The following RABGAP1L variants were observed in gnomAD, a reference collection of about 807,000 sequenced individuals.
RABGAP1L encodes RAB GTPase activating protein 1 like.
RABGAP1L carries 63 observed loss-of-function variants against 137.7 expected under a neutral mutation model. The observed-to-expected ratio is 0.46, with a 90% CI of 0.37 to 0.56. The LOEUF is 0.56. RABGAP1L is among the 20% of genes least tolerant of loss of function. The pLI is 0.00. For missense variants in RABGAP1L, 1,095 were observed against 1,244.0 expected, an observed-to-expected ratio of 0.88 and a Z score of 1.80; for synonymous variants, 431 against 433.7, an observed-to-expected ratio of 0.99 and a Z score of 0.08.
chr1:174,539,016 C>T (rs1190123883), intron 13 of RABGAP1L, among the ~76,000 whole-genome samples: 1 of 151,968 alleles, frequency 6.6e-6, no homozygotes, highest in African/African-American at 2.4e-5. Context: ...AATAAGTTGC[C>T]CGGGGTCACA....
chr1:174,347,716 G>A lies in RABGAP1L; in HGVS notation c.1466-23263G>A, dbSNP rs541630878. On this transcript the variant is annotated intron_variant, in intron 11 of 25. Transcript: ENST00000681986. Reference sequence around the variant, plus strand: ...TCACCGTGTTAGCCAGGATGGTCTCGATCTCCTGACCTCATGATCTGCCCG... The same window carrying A: ...TCACCGTGTTAGCCAGGATGGTCTCAATCTCCTGACCTCATGATCTGCCCG... 2.6e-5 allele frequency among the ~76,000 whole-genome samples: 4 copies of A among 152,206 alleles called. No homozygotes were observed. The South Asian group carries it at 6.2e-4, about 24-fold the overall frequency.
chr1:174,548,055 A>C (rs1359961104), intron 13 of RABGAP1L: 32 of 1,550,286 alleles, frequency 2.1e-5, no homozygotes, highest in Non-Finnish European at 2.0e-5. Flanking sequence ...ATGCCTGTTA[A>C]ATGCGTCAGT....
intron 20 of RABGAP1L, among the ~76,000 whole-genome samples, chr1:174,968,029 C>G (rs752661042): frequency 3.3e-5 from 5 of 151,674 alleles, no homozygotes; most frequent in Non-Finnish European, 5.9e-5. Context: ...GTTTATGGAT[C>G]CTCTGCCTCT....
At chr1:174,797,600 TG>T (rs1301910261) in intron 18 of RABGAP1L, among the ~76,000 whole-genome samples, 72 of 93,704 alleles carry the variant, frequency 7.7e-4, no homozygotes, top group Non-Finnish European at 1.2e-3. Context: ...TGGTGGTGTG[TG>T]GGCGTGTAGT....
At chr1:174,200,968 C>G (rs1206943348) in intron 1 of RABGAP1L, among the ~76,000 whole-genome samples, 1 of 152,170 alleles carries the variant, frequency 6.6e-6, no homozygotes, top group African/African-American at 2.4e-5. Context: ...AGTTTCTTTT[C>G]TTGTCCCTTC....
Position 174,618,404 on chromosome 1 carries a change from A to C in RABGAP1L, c.1711-18971A>C, listed in dbSNP as rs552319134. Among the ~76,000 whole-genome samples the C allele has an allele frequency of 6.6e-5, 10 of 152,338 alleles. No individual in the cohort carries two copies. The East Asian group carries it at 1.7e-3, about 26-fold the overall frequency. ...GGGAGGCACCCTGCAGTAGGGGCAG[A>C]CTGACATCTCACACGGCCGAGTACT... On this transcript the variant is annotated intron_variant, in intron 13 of 25. Transcript: ENST00000681986.
intron 19 of RABGAP1L, among the ~76,000 whole-genome samples, chr1:174,926,693 G>A (rs1490051493): frequency 2.0e-5 from 3 of 151,904 alleles, no homozygotes; most frequent in African/African-American, 7.3e-5. Context: ...ACAATCGTCT[G>A]TAAAAAATGA....
At chr1:174,801,067 T>G (rs1326536090) in intron 18 of RABGAP1L, among the ~76,000 whole-genome samples, 2 of 152,250 alleles carry the variant, frequency 1.3e-5, no homozygotes, top group Non-Finnish European at 2.9e-5. Flanking sequence ...GCTTCTGTGC[T>G]GTGAATCTGG....
At chr1:174,804,872 A>G (rs891455055) in intron 18 of RABGAP1L, among the ~76,000 whole-genome samples, 1 of 152,180 alleles carries the variant, frequency 6.6e-6, no homozygotes, top group Non-Finnish European at 1.5e-5. Context: ...TTTCTTAAAC[A>G]TTAAGTTTAA....
chr1:174,420,679 T>TG (rs2149162744), intron 13 of RABGAP1L, among the ~76,000 whole-genome samples: 1 of 148,464 alleles, frequency 6.7e-6, no homozygotes, highest in African/African-American at 2.5e-5. Flanking sequence ...GGTGTTTTGT[T>TG]TTTTTTTTTT....
chr1:174,173,498 C>T (rs1258342739), intron 1 of RABGAP1L, among the ~76,000 whole-genome samples: 1 of 150,938 alleles, frequency 6.6e-6, no homozygotes, highest in Non-Finnish European at 1.5e-5. Context: ...ATACTTGGTT[C>T]TTAATGCATT....
intron 1 of RABGAP1L, among the ~76,000 whole-genome samples, chr1:174,190,697 A>C (rs1452383889): frequency 1.3e-5 from 2 of 152,206 alleles, no homozygotes; most frequent in African/African-American, 4.8e-5. Context: ...TGGCACTTTA[A>C]ATTTTTTAAA....
At chr1:174,486,578 C>CATTGATGTATG (rs1659683243) in intron 13 of RABGAP1L, among the ~76,000 whole-genome samples, 1 of 151,996 alleles carries the variant, frequency 6.6e-6, no homozygotes, top group African/African-American at 2.4e-5. Context: ...GATCCCCTGA[C>CATTGATGTATG]CTCGTGATCT....
intron 19 of RABGAP1L, among the ~76,000 whole-genome samples, chr1:174,884,610 C>T (rs2149097751): frequency 6.6e-6 from 1 of 152,266 alleles, no homozygotes; most frequent in East Asian, 1.9e-4. Flanking sequence ...AGTTAAGGTT[C>T]TTATAGTTGC....
intron 13 of RABGAP1L, among the ~76,000 whole-genome samples, 177 bp from the exon 14 acceptor site, chr1:174,637,198 G>T (rs949662335): frequency 2.6e-5 from 4 of 152,062 alleles, no homozygotes; most frequent in African/African-American, 9.7e-5. Flanking sequence ...AGATACAAAG[G>T]AGCTGTTGGT....
chr1:174,255,416 A>G (rs1673038245), intron 7 of RABGAP1L, among the ~76,000 whole-genome samples: 1 of 152,242 alleles, frequency 6.6e-6, no homozygotes, highest in African/African-American at 2.4e-5. Flanking sequence ...CAATACAACT[A>G]GTAGAGAGAA....
chr1:174,670,574 C>A (rs1035418121), intron 14 of RABGAP1L, among the ~76,000 whole-genome samples: 4 of 152,060 alleles, frequency 2.6e-5, no homozygotes, highest in African/African-American at 9.7e-5. Context: ...CCTCTGGTAA[C>A]CATCCTTCTA....
intron 7 of RABGAP1L, among the ~76,000 whole-genome samples, chr1:174,266,117 C>T (rs1310259996): frequency 6.6e-6 from 1 of 152,062 alleles, no homozygotes; most frequent in Non-Finnish European, 1.5e-5. Context: ...ATAGAGTACC[C>T]TCATCTGGGT....
chr1:174,924,702 A>G (rs1662416688), intron 19 of RABGAP1L, among the ~76,000 whole-genome samples: 1 of 152,206 alleles, frequency 6.6e-6, no homozygotes, highest in Admixed American at 6.5e-5. Context: ...GATAATCTCA[A>G]CGGGCACGAT....
Sources: allele counts gnomAD v4.1 joint callset (sites outside exome capture counted in the v4.1 genomes callset), GRCh38; gene constraint gnomAD v4.1.1; transcripts MANE v1.5; gene names NCBI Gene and HGNC (gene_info 2026-07-23, HGNC 2026-07-21).